The following TSHZ2 variants were observed in gnomAD, a reference collection of about 807,000 sequenced individuals.
TSHZ2 encodes the protein teashirt zinc finger homeobox 2, also known as teashirt homolog 2.
In TSHZ2, 21 loss-of-function variants were observed where a neutral mutation model predicts 74.4. The ratio of observed to expected loss-of-function variants is 0.28; its 90% CI spans 0.20 to 0.41. TSHZ2 has a LOEUF of 0.41. Ranked by LOEUF, TSHZ2 falls within the 10% of genes least tolerant of loss-of-function variation. TSHZ2 has a pLI of 1.00. For synonymous variants in TSHZ2, 540 were observed against 515.3 expected (o/e 1.05, Z -0.65); for missense variants, 1,244 against 1,293.5 (o/e 0.96, Z 0.59).
chr20:53,329,947 G>T (rs1256995652), intron 2 of TSHZ2, among the ~76,000 whole-genome samples: 3 of 152,044 alleles, frequency 2.0e-5, no homozygotes, highest in Non-Finnish European at 4.4e-5. Flanking sequence ...AAACCCTCAG[G>T]CCAAATCCAA....
intron 1 of TSHZ2, among the ~76,000 whole-genome samples, chr20:53,128,904 G>A (rs983980472): frequency 1.4e-4 from 21 of 152,128 alleles, no homozygotes; most frequent in Admixed American, 7.2e-4. Flanking sequence ...ACAGGCATAA[G>A]CCACCATGCC....
chr20:53,466,899 T>C (rs1467457085), intron 2 of TSHZ2, among the ~76,000 whole-genome samples: 1 of 152,240 alleles, frequency 6.6e-6, no homozygotes, highest in East Asian at 1.9e-4. Flanking sequence ...AATGTGCCTT[T>C]GGAAGATTCT....
At chr20:53,125,208 T>C (rs2123365181) in intron 1 of TSHZ2, among the ~76,000 whole-genome samples, 1 of 152,338 alleles carries the variant, frequency 6.6e-6, no homozygotes, top group South Asian at 2.1e-4. Flanking sequence ...ATATTATTAC[T>C]AATGGTTTAT....
intron 1 of TSHZ2, among the ~76,000 whole-genome samples, chr20:53,240,524 C>T (rs549922971): frequency 1.3e-5 from 2 of 152,232 alleles, no homozygotes; most frequent in African/African-American, 4.8e-5. Flanking sequence ...CTAAGGGTCA[C>T]TCAAAGGTGT....
At chr20:53,069,765 G>A (rs1173604009) in intron 1 of TSHZ2, among the ~76,000 whole-genome samples, 1 of 151,260 alleles carries the variant, frequency 6.6e-6, no homozygotes, top group Non-Finnish European at 1.5e-5. Context: ...TGGATGAGGG[G>A]AGCCATTAAT....
chr20:53,093,370 A>T (rs1419910762), intron 1 of TSHZ2, among the ~76,000 whole-genome samples: 1 of 152,196 alleles, frequency 6.6e-6, no homozygotes, highest in Non-Finnish European at 1.5e-5. Flanking sequence ...TAACCTTAAC[A>T]TGGAAATTGA....
chr20:53,361,307 T>C (rs991515940), intron 2 of TSHZ2, among the ~76,000 whole-genome samples: 2 of 152,232 alleles, frequency 1.3e-5, no homozygotes, highest in Admixed American at 6.5e-5. Context: ...AAATGATATT[T>C]TTTAGCTTCT....
intron 2 of TSHZ2, among the ~76,000 whole-genome samples, chr20:53,337,287 G>A (rs961584449): frequency 3.9e-5 from 6 of 152,154 alleles, no homozygotes; most frequent in East Asian, 1.9e-4. Flanking sequence ...TAGAAAACAC[G>A]TTCACAGCAA....
At chr20:53,252,018 T>C (rs997469140) in intron 1 of TSHZ2, among the ~76,000 whole-genome samples, 2 of 152,206 alleles carry the variant, frequency 1.3e-5, no homozygotes, top group African/African-American at 2.4e-5. Context: ...AGTTTCCCCC[T>C]CTGTGAAATG....
At chr20:53,370,583 A>C (rs1981431414) in intron 2 of TSHZ2, among the ~76,000 whole-genome samples, 1 of 152,108 alleles carries the variant, frequency 6.6e-6, no homozygotes, top group Non-Finnish European at 1.5e-5. Context: ...CAACATAGCA[A>C]GACCCCATCT....
chr20:53,040,498 A>T (rs1189387723), intron 1 of TSHZ2, among the ~76,000 whole-genome samples: 3 of 152,134 alleles, frequency 2.0e-5, no homozygotes, highest in African/African-American at 7.2e-5. Flanking sequence ...GAGGTTACAC[A>T]ACTTGAGAGC....
intron 2 of TSHZ2, among the ~76,000 whole-genome samples, chr20:53,467,759 G>A (rs375295627): frequency 6.6e-6 from 1 of 152,110 alleles, no homozygotes; most frequent in African/African-American, 2.4e-5. Flanking sequence ...CTAAAGTTGG[G>A]CCACCAATTT....
chr20:53,408,617 T>C (rs945434259), intron 2 of TSHZ2, among the ~76,000 whole-genome samples: 1 of 148,490 alleles, frequency 6.7e-6, no homozygotes, highest in Non-Finnish European at 1.5e-5. Context: ...TTCCTGACAG[T>C]TGGGAGGAAA....
intron 1 of TSHZ2, among the ~76,000 whole-genome samples, chr20:53,189,289 A>G (rs1317975924): frequency 5.3e-5 from 8 of 152,216 alleles, no homozygotes; most frequent in Admixed American, 2.0e-4. Context: ...GGTAGATGAC[A>G]TAAGTCAAAT....
intron 2 of TSHZ2, among the ~76,000 whole-genome samples, chr20:53,444,028 C>T (rs6068544): frequency 0.33 from 49,569 of 151,820 alleles, 8,411 homozygotes; most frequent in Non-Finnish European, 0.35. Context: ...AGTTTAAGTA[C>T]GGTGGCCAGC....
chr20:53,388,006 G>A (rs1982109564), intron 2 of TSHZ2, among the ~76,000 whole-genome samples: 1 of 151,336 alleles, frequency 6.6e-6, no homozygotes, highest in African/African-American at 2.4e-5. Flanking sequence ...CCAAGATCAT[G>A]GCACTGCACT....
At chr20:53,190,951 T>C (rs1988722833) in intron 1 of TSHZ2, among the ~76,000 whole-genome samples, 1 of 152,172 alleles carries the variant, frequency 6.6e-6, no homozygotes, top group Non-Finnish European at 1.5e-5. Flanking sequence ...TGATGAATCA[T>C]GAATGGTTAA....
intron 2 of TSHZ2, among the ~76,000 whole-genome samples, chr20:53,481,651 C>A (rs6068560): frequency 6.6e-6 from 1 of 152,008 alleles, no homozygotes; most frequent in Admixed American, 6.6e-5. Context: ...AGATTTGGAT[C>A]TTCTCTTTAC....
intron 1 of TSHZ2, among the ~76,000 whole-genome samples, chr20:53,163,178 G>T (rs1331256013): frequency 6.6e-6 from 1 of 152,030 alleles, no homozygotes; most frequent in Admixed American, 6.5e-5. Flanking sequence ...TCACACCCAG[G>T]AGGTGTGATG....
Sources: gnomAD v4.1 joint callset for allele counts (sites outside exome capture counted in the v4.1 genomes callset) on GRCh38, gnomAD v4.1.1 for gene constraint, MANE v1.5 for transcripts, NCBI Gene and HGNC (gene_info 2026-07-23, HGNC 2026-07-21) for gene names.